The following CLSTN2 variants were observed in gnomAD, a reference collection of about 807,000 sequenced individuals.
The protein encoded by CLSTN2 is calsyntenin-2.
Under a neutral mutation model 101.2 loss-of-function variants are expected in CLSTN2, and 48 were observed. That is an observed-to-expected ratio of 0.47 (90% CI 0.38 to 0.60). The LOEUF is 0.60. Among genes scored for constraint, CLSTN2 ranks in the 20% least tolerant of loss-of-function variants. CLSTN2 has a pLI of 0.00. For missense variants in CLSTN2, 1,160 were observed against 1,238.2 expected (o/e 0.94, Z 0.95); for synonymous variants, 481 against 463.6 (o/e 1.04, Z -0.48).
chr3:140,074,291 C>T (rs1158860739), intron 1 of CLSTN2, among the ~76,000 whole-genome samples: 1 of 152,090 alleles, frequency 6.6e-6, no homozygotes, highest in Non-Finnish European at 1.5e-5. Context: ...CACCTTGCCT[C>T]CCCCCACCCC....
intron 2 of CLSTN2, among the ~76,000 whole-genome samples, chr3:140,236,512 T>C (rs2086418238): frequency 6.6e-6 from 1 of 152,196 alleles, no homozygotes; most frequent in African/African-American, 2.4e-5. Flanking sequence ...TGGCTCATGG[T>C]TTTCATCAAA....
intron 1 of CLSTN2, among the ~76,000 whole-genome samples, chr3:139,960,603 T>G (rs1350064417): frequency 1.3e-5 from 2 of 152,220 alleles, no homozygotes; most frequent in Non-Finnish European, 2.9e-5. Flanking sequence ...TTGCCTTCCT[T>G]TCCTTCTCTG....
chr3:140,507,785 A>G (rs1479345301), intron 8 of CLSTN2: 1 of 151,964 alleles, frequency 6.6e-6, no homozygotes, highest in Admixed American at 6.6e-5. Context: ...AGCTATGTCT[A>G]TTTTTACTTT....
At chr3:140,391,558 A>G (rs1362838083) in intron 2 of CLSTN2, among the ~76,000 whole-genome samples, 1 of 152,138 alleles carries the variant, frequency 6.6e-6, no homozygotes. Flanking sequence ...TCTAGTTAGA[A>G]CTAGTGCAAT....
chr3:140,315,356 G>A (rs938722278), intron 2 of CLSTN2, among the ~76,000 whole-genome samples: 1 of 152,174 alleles, frequency 6.6e-6, no homozygotes, highest in African/African-American at 2.4e-5. Flanking sequence ...ATGCCAAGAG[G>A]ATTTACTTAG....
rs1487820792 is a variant in CLSTN2 at position 140,570,461 on chromosome 3, T to C, written c.*4208T>C. ...AGGCTATATGCAAATACTATGCATTTTATATAAAGGAATTGAACATCTGTG... is the reference window on the plus strand; with the variant it reads ...AGGCTATATGCAAATACTATGCATTCTATATAAAGGAATTGAACATCTGTG... On this transcript the variant is annotated 3_prime_UTR_variant, in exon 17 of 17. Transcript: ENST00000458420. 6.6e-6 allele frequency: 1 copy of C among 152,202 alleles called. No homozygotes were observed. The highest frequency in any genetic ancestry group is 1.5e-5 in the Non-Finnish European group (1 of 68,036). 9.4% of individuals were successfully genotyped at this position (152,202 alleles called of 1,614,324 possible).
At chr3:140,063,891 G>C (rs544039594) in intron 1 of CLSTN2, among the ~76,000 whole-genome samples, 6 of 152,304 alleles carry the variant, frequency 3.9e-5, no homozygotes, top group Middle Eastern at 3.4e-3. Context: ...ACCCAGAACA[G>C]CACGGCCATT....
chr3:140,177,980 C>A lies in CLSTN2; in HGVS notation c.232+1907C>A, dbSNP rs1308154004. On this transcript the variant is annotated intron_variant, in intron 2 of 16. Transcript: ENST00000458420. The stretch of plus-strand genomic sequence containing the variant: ...GGCCCTTCCACCAAGAAGATCCTCT[C>A]ATTCACCTTTCCATCTGAACATATG... Among the ~76,000 whole-genome samples, 5 of 152,118 alleles carry A rather than the reference C, an allele frequency of 3.3e-5. 1 individual carries two copies. The highest frequency in any genetic ancestry group is 7.3e-5 in the Non-Finnish European group (5 of 68,028).
At chr3:140,467,603 T>C (rs1933739194) in intron 8 of CLSTN2, among the ~76,000 whole-genome samples, 2 of 152,176 alleles carry the variant, frequency 1.3e-5, no homozygotes, top group African/African-American at 4.8e-5. Flanking sequence ...TTTGTTTTTA[T>C]TCTGCCCCTT....
chr3:140,431,590 G>A (rs2088629253), intron 5 of CLSTN2, among the ~76,000 whole-genome samples: 1 of 151,970 alleles, frequency 6.6e-6, no homozygotes, highest in South Asian at 2.1e-4. Flanking sequence ...TCTTCTCCCT[G>A]TCCCCGTTTT....
intron 1 of CLSTN2, among the ~76,000 whole-genome samples, chr3:139,955,395 A>G (rs906615206): frequency 1.6e-4 from 25 of 152,082 alleles, no homozygotes; most frequent in Non-Finnish European, 3.1e-4. Context: ...CCTGGCATAC[A>G]AGAGGCTGGT....
intron 1 of CLSTN2, among the ~76,000 whole-genome samples, chr3:140,139,022 C>A (rs1292660482): frequency 2.0e-5 from 3 of 152,208 alleles, no homozygotes; most frequent in Admixed American, 2.0e-4. Context: ...ATTTCTGTCA[C>A]CTGGACTTTG....
intron 1 of CLSTN2, among the ~76,000 whole-genome samples, chr3:140,009,308 T>G (rs979755502): frequency 7.9e-5 from 12 of 152,218 alleles, no homozygotes; most frequent in Non-Finnish European, 2.9e-5. Flanking sequence ...ATAGATTTCC[T>G]TCTTTATTCC....
chr3:140,217,792 GA>G (rs2107850802), intron 2 of CLSTN2, among the ~76,000 whole-genome samples: 1 of 152,324 alleles, frequency 6.6e-6, no homozygotes, highest in East Asian at 1.9e-4. Flanking sequence ...TGTTGGGCAA[GA>G]AAATGAAACT....
chr3:140,556,992 C>T (rs1247540254), intron 11 of CLSTN2: 1 of 247,174 alleles, frequency 4.0e-6, no homozygotes, highest in South Asian at 7.7e-5. Context: ...TTTAAGGGCG[C>T]AGTGCGTGGT....
chr3:140,165,094 A>G (rs2010114098), intron 1 of CLSTN2, among the ~76,000 whole-genome samples: 1 of 152,242 alleles, frequency 6.6e-6, no homozygotes, highest in Admixed American at 6.5e-5. Flanking sequence ...CAATTAAAAT[A>G]GTGAAATGTA....
At chr3:140,303,909 G>A (rs1397623417) in intron 2 of CLSTN2, among the ~76,000 whole-genome samples, 2 of 151,728 alleles carry the variant, frequency 1.3e-5, no homozygotes, top group Non-Finnish European at 2.9e-5. Flanking sequence ...AAAAATCTAG[G>A]ATGCTGGGGA....
chr3:140,533,526 G>A (rs567549114), intron 9 of CLSTN2, among the ~76,000 whole-genome samples: 3 of 150,968 alleles, frequency 2.0e-5, no homozygotes, highest in East Asian at 3.9e-4. Flanking sequence ...TGGCTAACAC[G>A]GTGAAACCCC....
intron 5 of CLSTN2, among the ~76,000 whole-genome samples, chr3:140,424,406 G>A (rs1201719161): frequency 3.3e-5 from 5 of 152,150 alleles, no homozygotes; most frequent in Admixed American, 3.3e-4. Flanking sequence ...CCTCCTCCCA[G>A]CCTACTGATT....
Sources: gnomAD v4.1 joint callset for allele counts (sites outside exome capture counted in the v4.1 genomes callset) on GRCh38, gnomAD v4.1.1 for gene constraint, MANE v1.5 for transcripts, NCBI Gene and HGNC (gene_info 2026-07-23, HGNC 2026-07-21) for gene names.